Variants in NECTIN3 observed in about 807,000 individuals in gnomAD.
NECTIN3 encodes nectin cell adhesion molecule 3.
A neutral mutation model predicts 49.4 loss-of-function variants in NECTIN3; 8 were observed. The ratio of observed to expected loss-of-function variants is 0.16; its 90% CI spans 0.10 to 0.29. The LOEUF (loss-of-function observed/expected upper bound fraction) is 0.29. Ranked by LOEUF, NECTIN3 falls within the 10% of genes least tolerant of loss-of-function variation. The probability of loss-of-function intolerance (pLI) is 1.00; values close to 1 mark genes in which losing one functional copy is unlikely to be tolerated. For synonymous variants in NECTIN3, 277 were observed against 241.1 expected (o/e 1.15, Z -1.38); for missense variants, 581 against 654.6 (o/e 0.89, Z 1.23).
intron 7 of NECTIN3, among the ~76,000 whole-genome samples, chr3:111,163,217 C>T (rs1186857723): frequency 2.0e-5 from 3 of 152,194 alleles, no homozygotes; most frequent in Non-Finnish European, 2.9e-5. Context: ...ATGGTCTCTC[C>T]AGCATGGTAG....
At chr3:111,182,477 G>A (rs768663910) in intron 7 of NECTIN3, among the ~76,000 whole-genome samples, 4 of 151,786 alleles carry the variant, frequency 2.6e-5, no homozygotes, top group Non-Finnish European at 2.9e-5. Context: ...CAATTCTGTC[G>A]GTTATTCATA....
chr3:111,108,223 A>ATTTTT (rs10576910), intron 1 of NECTIN3, among the ~76,000 whole-genome samples: 1 of 136,400 alleles, frequency 7.3e-6, no homozygotes. Flanking sequence ...CCACTTCTAA[A>ATTTTT]TTTTTTTTTT....
chr3:111,143,427 A>G (rs2107506455), intron 5 of NECTIN3, among the ~76,000 whole-genome samples: 1 of 152,064 alleles, frequency 6.6e-6, no homozygotes, highest in South Asian at 2.1e-4. Flanking sequence ...AGCCATTAAT[A>G]AACTTAGGAT....
Position 111,137,547 on chromosome 3 carries a change from G to T in NECTIN3, c.*3332G>T. 2 of 945,616 alleles carry T rather than the reference G, an allele frequency of 2.1e-6. No homozygotes were observed. The highest frequency in any genetic ancestry group is 2.5e-6 in the Non-Finnish European group (2 of 796,256). The allele number at this position is 945,616 out of a possible 1,614,324, so 58.6% of individuals were successfully genotyped here. A position where few individuals can be genotyped will look rare whatever the true frequency, so the allele number is the denominator to read the frequency against. On this transcript the variant is annotated 3_prime_UTR_variant, in exon 6 of 6. Coordinates refer to ENST00000485303, the MANE Select transcript of NECTIN3 (RefSeq NM_015480.3). ...AAATCTTTAAATAAAAGTTAAAAAA[G>T]TTCTTTAGAGGCATATTTCTGTAAT...
chr3:111,094,064 A>G (rs1296778079), intron 1 of NECTIN3, among the ~76,000 whole-genome samples: 1 of 152,072 alleles, frequency 6.6e-6, no homozygotes, highest in African/African-American at 2.4e-5. Context: ...TATTAAGGAA[A>G]GGAAAAGACA....
At chr3:111,177,119 T>C (rs1422909790) in intron 7 of NECTIN3, among the ~76,000 whole-genome samples, 1 of 152,184 alleles carries the variant, frequency 6.6e-6, no homozygotes, top group Non-Finnish European at 1.5e-5. Context: ...GGTCAACAGT[T>C]AGCTTTGAAA....
At chr3:111,126,065 G>A in intron 4 of NECTIN3, 119 bp from the exon 5 acceptor site, 1 of 673,834 alleles carries the variant, frequency 1.5e-6, no homozygotes, top group Non-Finnish European at 2.2e-6. Context: ...AGTGAATTTT[G>A]TCTGAGATGC....
chr3:111,102,301 C>T (rs148440721), intron 1 of NECTIN3, among the ~76,000 whole-genome samples: 365 of 152,320 alleles, frequency 2.4e-3, no homozygotes, highest in African/African-American at 8.3e-3. Flanking sequence ...CATCATCTCC[C>T]ATTTTCCACC....
At chr3:111,130,057 G>A (rs1376341285) in intron 5 of NECTIN3, among the ~76,000 whole-genome samples, 3 of 147,988 alleles carry the variant, frequency 2.0e-5, no homozygotes, top group Non-Finnish European at 4.5e-5. Context: ...CCGGGTTCAC[G>A]GCCACTCTCC....
In NECTIN3 at chr3:111,135,763, C is replaced by A; in HGVS notation, c.*1548C>A. On this transcript the variant is annotated 3_prime_UTR_variant, in exon 6 of 6. Coordinates refer to ENST00000485303, the MANE Select transcript of NECTIN3 (RefSeq NM_015480.3). ...TTAGGGGGCAAAATTCTAACATGTTCATGGTATCTTGCAAATAGTGAAAGC... is the reference window on the plus strand; with the variant it reads ...TTAGGGGGCAAAATTCTAACATGTTAATGGTATCTTGCAAATAGTGAAAGC... 1 of 958,962 alleles carries A rather than the reference C, an allele frequency of 1.0e-6. No homozygotes were observed. Among genetic ancestry groups the A allele is most frequent in the Non-Finnish European group, 1.2e-6 (1 of 806,138 alleles). 59.4% of individuals were successfully genotyped at this position (958,962 alleles called of 1,614,324 possible).
chr3:111,145,115 C>A, intron 6 of NECTIN3: 1 of 1,416,460 alleles, frequency 7.1e-7, no homozygotes, highest in South Asian at 1.3e-5. Flanking sequence ...TACAGCTCCT[C>A]ATAAAGAACT....
intron 7 of NECTIN3, among the ~76,000 whole-genome samples, chr3:111,186,529 C>T (rs552222746): frequency 3.3e-5 from 5 of 152,188 alleles, no homozygotes; most frequent in Admixed American, 6.5e-5. Context: ...GAAACTGGAC[C>T]TCTTCCTTAC....
chr3:111,096,514 G>T (rs1488087728), intron 1 of NECTIN3, among the ~76,000 whole-genome samples: 1 of 152,188 alleles, frequency 6.6e-6, no homozygotes, highest in African/African-American at 2.4e-5. Flanking sequence ...AGACAATGGG[G>T]AAAACGTCTC....
At chr3:111,118,562 C>T in intron 2 of NECTIN3, 94 bp from the exon 3 acceptor site, 1 of 1,178,158 alleles carries the variant, frequency 8.5e-7, no homozygotes, top group Non-Finnish European at 1.2e-6. Flanking sequence ...TGCAGTTGTC[C>T]TTAAGCTTGT....
At chr3:111,185,988 T>G (rs2035712199) in intron 7 of NECTIN3, among the ~76,000 whole-genome samples, 1 of 152,176 alleles carries the variant, frequency 6.6e-6, no homozygotes, top group Admixed American at 6.5e-5. Context: ...GTTCCTTTTT[T>G]CTAAGGCACG....
chr3:111,127,639 C>T (rs1012679085), intron 5 of NECTIN3, among the ~76,000 whole-genome samples: 44 of 151,790 alleles, frequency 2.9e-4, no homozygotes, highest in African/African-American at 1.1e-3. Flanking sequence ...GATTTCAGCT[C>T]ACTGCAACCT....
chr3:111,109,621 C>T lies in NECTIN3; in HGVS notation c.161-2409C>T, dbSNP rs191375957. Reference sequence around the variant, plus strand: ...TTTCTTGACTAATATATTATTTTCCCACTCAAAATCTTAGTTTTGTTGTAT... The same window carrying T: ...TTTCTTGACTAATATATTATTTTCCTACTCAAAATCTTAGTTTTGTTGTAT... On this transcript the variant is annotated intron_variant, in intron 1 of 5. Transcript: ENST00000485303. 9.9e-5 allele frequency among the ~76,000 whole-genome samples: 15 copies of T among 152,044 alleles called. No homozygotes were observed. In the East Asian group the frequency reaches 2.7e-3, roughly 27 times the overall value.
chr3:111,185,181 A>G (rs1457683647), intron 7 of NECTIN3, among the ~76,000 whole-genome samples: 1 of 152,088 alleles, frequency 6.6e-6, no homozygotes, highest in African/African-American at 2.4e-5. Flanking sequence ...TGTTCCACAG[A>G]TTTCAGTCAC....
intron 7 of NECTIN3, among the ~76,000 whole-genome samples, chr3:111,178,397 T>C (rs2035568954): frequency 6.6e-6 from 1 of 152,010 alleles, no homozygotes; most frequent in Non-Finnish European, 1.5e-5. Context: ...TACTGCACTA[T>C]ATCACTCTGA....
Sources: allele counts gnomAD v4.1 joint callset (sites outside exome capture counted in the v4.1 genomes callset), GRCh38; gene constraint gnomAD v4.1.1; transcripts MANE v1.5; gene names NCBI Gene and HGNC (gene_info 2026-07-23, HGNC 2026-07-21).